The following CPB2 variants were observed in gnomAD, a reference collection of about 807,000 sequenced individuals.
CPB2 encodes the protein carboxypeptidase B2.
A neutral mutation model predicts 57.0 loss-of-function variants in CPB2; 54 were observed. That is an observed-to-expected ratio of 0.95 (90% CI 0.76 to 1.19). The LOEUF is 1.19. Ranked by LOEUF, CPB2 falls within the 50% of genes most tolerant of loss-of-function variation. The probability of loss-of-function intolerance (pLI) is 0.00; values close to 1 mark genes in which losing one functional copy is unlikely to be tolerated. For missense variants in CPB2, 426 were observed against 512.0 expected (o/e 0.83, Z 1.62); for synonymous variants, 189 against 178.1 (o/e 1.06, Z -0.49).
At chr13:46,101,141 A>G (rs1315935983) in intron 1 of CPB2, 2 of 152,116 alleles carry the variant, frequency 1.3e-5, no homozygotes, top group Admixed American at 6.5e-5. Context: ...GCTACAGCCA[A>G]TCCCATGTGG....
At chr13:46,074,041 A>T (rs1398504097) in intron 5 of CPB2, 64 bp from the exon 6 acceptor site, 5 of 872,692 alleles carry the variant, frequency 5.7e-6, no homozygotes, top group Admixed American at 2.0e-5. Context: ...AATAACTTTC[A>T]TTTATATAGT....
At chr13:46,073,148 A>G (rs1445426176) in intron 6 of CPB2, among the ~76,000 whole-genome samples, 1 of 152,210 alleles carries the variant, frequency 6.6e-6, no homozygotes, top group Non-Finnish European at 1.5e-5. Flanking sequence ...TTATTCTGTT[A>G]CTATGTATCT....
At chr13:46,092,053 C>T (rs761764720) in intron 1 of CPB2, among the ~76,000 whole-genome samples, 8 of 151,972 alleles carry the variant, frequency 5.3e-5, no homozygotes, top group Non-Finnish European at 7.4e-5. Flanking sequence ...TTTAACTGAA[C>T]GAGATTTTTC....
At chr13:46,064,618 A>T (rs911753920) in intron 8 of CPB2, 30 bp downstream of exon 8, 1 of 1,551,698 alleles carries the variant, frequency 6.4e-7, no homozygotes, top group Non-Finnish European at 8.9e-7. Context: ...CAGTGAAGAG[A>T]CATTGCAAGA....
chr13:46,095,858 G>A (rs915999089), intron 1 of CPB2, among the ~76,000 whole-genome samples: 5 of 147,130 alleles, frequency 3.4e-5, no homozygotes, highest in African/African-American at 1.0e-4. Flanking sequence ...CTTCTGATGT[G>A]TGACTCTGGC....
chr13:46,058,239 G>C lies in CPB2; in HGVS notation c.939C>G (p.Ser313=). The part of the protein sequence containing the change: ...IKAYISMHSY[S]QHIVFPYSYT... The stretch of plus-strand genomic sequence containing the variant: ...AGGAATATGGAAACACTATATGCTG[G>C]GAGTATGAATGCATGCTGATGTATG... The change falls in exon 9 of 11, where the codon TCC becomes TCG. Residue 313 remains serine (S), a synonymous_variant. Coordinates refer to ENST00000181383, the MANE Select transcript of CPB2 (RefSeq NM_001872.5). 6.2e-7 allele frequency: 1 copy of C among 1,614,026 alleles called. No individual in the cohort carries two copies. The highest frequency in any genetic ancestry group is 1.7e-5 in the Admixed American group (1 of 60,024).
Position 46,053,676 on chromosome 13 carries a change from T to G in CPB2, c.1210A>C (p.Thr404Pro). ...FLLPERYIKP[T>P]CREAFAAVSK... ...ACAGCGGCAAAAGCTTCTCTACAGG[T>G]GGGTTTGATGTAACGCTCCGGCAGC... The change falls in exon 11 of 11, where the codon ACC (threonine) becomes CCC (proline). Residue 404 changes from threonine (T) to proline (P), a missense_variant. Physicochemically the swap from Thr to Pro is conservative, Grantham distance 38. Coordinates refer to ENST00000181383, the MANE Select transcript of CPB2 (RefSeq NM_001872.5). 1 of 1,614,078 alleles carries G rather than the reference T, an allele frequency of 6.2e-7. No individual in the cohort carries two copies. Among genetic ancestry groups the G allele is most frequent in the East Asian group, 2.2e-5 (1 of 44,872 alleles).
chr13:46,079,264 G>A (rs2045070219), intron 4 of CPB2, among the ~76,000 whole-genome samples: 1 of 152,086 alleles, frequency 6.6e-6, no homozygotes, highest in African/African-American at 2.4e-5. Context: ...TTTTATATGA[G>A]ACTTTTTTAA....
chr13:46,077,490 T>C (rs2045040577), intron 5 of CPB2, among the ~76,000 whole-genome samples: 1 of 152,158 alleles, frequency 6.6e-6, no homozygotes, highest in African/African-American at 2.4e-5. Flanking sequence ...TGTAAATTAG[T>C]TCAGCCACTA....
chr13:46,103,227 C>T (rs1298088010), intron 1 of CPB2, among the ~76,000 whole-genome samples: 2 of 152,188 alleles, frequency 1.3e-5, no homozygotes. Flanking sequence ...CCCACCTGCC[C>T]GCCAACCTCT....
chr13:46,079,205 C>T (rs1366008799), intron 4 of CPB2, among the ~76,000 whole-genome samples: 1 of 152,174 alleles, frequency 6.6e-6, no homozygotes, highest in Middle Eastern at 3.2e-3. Flanking sequence ...CACATTGAGT[C>T]ACTGCCCCTG....
intron 7 of CPB2, 26 bp from the exon 8 acceptor site, chr13:46,064,767 A>G: frequency 6.3e-7 from 1 of 1,595,882 alleles, no homozygotes; most frequent in Non-Finnish European, 8.6e-7. Flanking sequence ...ACAAACAGAC[A>G]ACCTGGGTAG....
chr13:46,081,061 A>G (rs1367361712), intron 4 of CPB2, among the ~76,000 whole-genome samples: 1 of 151,792 alleles, frequency 6.6e-6, no homozygotes, highest in African/African-American at 2.4e-5. Flanking sequence ...AAGAGGCCTC[A>G]GTAGAAACCA....
intron 5 of CPB2, among the ~76,000 whole-genome samples, chr13:46,075,219 G>A (rs1189484971): frequency 6.6e-6 from 1 of 152,192 alleles, no homozygotes; most frequent in African/African-American, 2.4e-5. Context: ...AAGTAAGAAA[G>A]CCCAATGGCA....
chr13:46,071,570 C>A (rs144782736), intron 6 of CPB2, among the ~76,000 whole-genome samples: 4 of 152,170 alleles, frequency 2.6e-5, no homozygotes, highest in Non-Finnish European at 5.9e-5. Context: ...AGAATGATGG[C>A]AAGAGTTGGA....
rs745615188 is a variant in CPB2 at position 46,053,695 on chromosome 13, C to T, written c.1191G>A (p.Pro397=). ...RDTGTYGFLL[P]ERYIKPTCRE... ...TACAGGTGGGTTTGATGTAACGCTC[C>T]GGCAGCAAGAATCCGTATGTGCCCG... Residue 397 remains proline, a synonymous_variant, in exon 11 of 11, where the codon CCG becomes CCA. Transcript: ENST00000181383. 2 of 1,614,090 alleles carry T rather than the reference C, an allele frequency of 1.2e-6. No individual in the cohort carries two copies. Among genetic ancestry groups the T allele is most frequent in the African/African-American group, 1.3e-5 (1 of 75,020 alleles).
intron 1 of CPB2, among the ~76,000 whole-genome samples, chr13:46,092,030 G>GC (rs1211202569): frequency 3.9e-5 from 6 of 151,958 alleles, no homozygotes; most frequent in Non-Finnish European, 7.4e-5. Flanking sequence ...CCAGCTCTGA[G>GC]CCCCCCCTTT....
At chr13:46,095,774 C>T (rs2045356538) in intron 1 of CPB2, among the ~76,000 whole-genome samples, 1 of 152,058 alleles carries the variant, frequency 6.6e-6, no homozygotes, top group African/African-American at 2.4e-5. Context: ...CCACATTTCC[C>T]ACTGGCTTCT....
intron 6 of CPB2, chr13:46,073,498 G>A: frequency 1.0e-6 from 1 of 982,162 alleles, no homozygotes; most frequent in Non-Finnish European, 1.2e-6. Context: ...GGTGGCAAAA[G>A]ATGTCTGGAT....
Sources: gnomAD v4.1 joint callset for allele counts (sites outside exome capture counted in the v4.1 genomes callset) on GRCh38, gnomAD v4.1.1 for gene constraint, MANE v1.5 for transcripts, NCBI Gene and HGNC (gene_info 2026-07-23, HGNC 2026-07-21) for gene names.